PCDH11X: variants seen among roughly 807,000 people sequenced by gnomAD.
PCDH11X encodes the protein protocadherin-11 X-linked.
Under a neutral mutation model 53.3 loss-of-function variants are expected in PCDH11X, and 18 were observed. That is an observed-to-expected ratio of 0.34 (90% CI 0.23 to 0.50). PCDH11X has a LOEUF of 0.50. Among genes scored for constraint, PCDH11X ranks in the 20% least tolerant of loss-of-function variants. The pLI is 0.98. For synonymous variants in PCDH11X, 279 were observed against 393.3 expected (o/e 0.71, Z 3.44); for missense variants, 570 against 1,032.4 (o/e 0.55, Z 6.14).
At chrX:92,122,862 G>C (rs752666347) in intron 6 of PCDH11X, among the ~76,000 whole-genome samples, 1 of 110,891 alleles carries the variant, frequency 9.0e-6, no homozygotes, top group Non-Finnish European at 1.9e-5. Context: ...GCTTGAACCT[G>C]GGAGGTGGAG....
intron 10 of PCDH11X, among the ~76,000 whole-genome samples, chrX:92,473,009 GC>G (rs2073300398): frequency 9.3e-6 from 1 of 107,012 alleles, no homozygotes; most frequent in South Asian, 4.2e-4. Flanking sequence ...AGCTTCAGAA[GC>G]TTCGGGGCTG....
chrX:91,864,657 G>A (rs1275009232), intron 5 of PCDH11X, among the ~76,000 whole-genome samples: 3 of 96,389 alleles, frequency 3.1e-5, no homozygotes, highest in Non-Finnish European at 4.1e-5. Flanking sequence ...GCCCTTTTGA[G>A]GCTACTAATA....
intron 7 of PCDH11X, among the ~76,000 whole-genome samples, chrX:92,228,480 A>G (rs979819933): frequency 2.7e-5 from 3 of 111,431 alleles, no homozygotes; most frequent in African/African-American, 9.8e-5. Context: ...TTGGGGAGGC[A>G]GTAGAACATA....
chrX:92,553,561 A>C (rs2148753516), intron 10 of PCDH11X, among the ~76,000 whole-genome samples: 1 of 108,481 alleles, frequency 9.2e-6, no homozygotes, highest in Non-Finnish European at 1.9e-5. Flanking sequence ...TTTTCATTTT[A>C]ATTTTATTTA....
At chrX:91,874,061 T>C (rs764725603) in intron 5 of PCDH11X, among the ~76,000 whole-genome samples, 2 of 111,096 alleles carry the variant, frequency 1.8e-5, no homozygotes, top group Non-Finnish European at 3.8e-5. Context: ...TATTAGCCAC[T>C]CAGTATTGGA....
chrX:92,459,587 A>G, intron 9 of PCDH11X: 2 of 484,368 alleles, frequency 4.1e-6, no homozygotes, highest in Non-Finnish European at 7.3e-6. Context: ...AAATAACCAA[A>G]AACTTGAAAG....
At chrX:92,102,166 T>C (rs1306093854) in intron 6 of PCDH11X, among the ~76,000 whole-genome samples, 2 of 110,931 alleles carry the variant, frequency 1.8e-5, no homozygotes, top group Non-Finnish European at 3.8e-5. Context: ...TTGTGGGACT[T>C]AAGAAAGAGT....
rs185579817 is a variant in PCDH11X at position 92,134,492 on chromosome X, C to T, written c.3034-66883C>T. Among the ~76,000 whole-genome samples the T allele has an allele frequency of 7.6e-3, 832 of 110,190 alleles. 7 individuals are homozygous for T. Among genetic ancestry groups the T allele is most frequent in the African/African-American group, 0.026 (783 of 30,279 alleles). On this transcript the variant is annotated intron_variant, in intron 6 of 10. Transcript: ENST00000682573. ...TTTTACAAAACAAGCAAAAAAAAGA[C>T]GAGAGTATGTTTAGTTGCCAGAAAG...
intron 10 of PCDH11X, among the ~76,000 whole-genome samples, chrX:92,525,132 C>G (rs1429786388): frequency 8.9e-6 from 1 of 111,881 alleles, no homozygotes; most frequent in Non-Finnish European, 1.9e-5. Flanking sequence ...TGTATCTATG[C>G]AGTATTACAA....
At chrX:92,188,273 C>T (rs1404310136) in intron 6 of PCDH11X, among the ~76,000 whole-genome samples, 1 of 111,408 alleles carries the variant, frequency 9.0e-6, no homozygotes, top group Non-Finnish European at 1.9e-5. Context: ...TTGATTTATT[C>T]CATTAGGCTA....
At chrX:92,088,306 A>G (rs2063992913) in intron 6 of PCDH11X, among the ~76,000 whole-genome samples, 1 of 111,450 alleles carries the variant, frequency 9.0e-6, no homozygotes, top group Non-Finnish European at 1.9e-5. Flanking sequence ...TTGTTAACAA[A>G]TAAAAATAAA....
At chrX:92,503,141 A>T (rs1281013888) in intron 10 of PCDH11X, among the ~76,000 whole-genome samples, 2 of 110,092 alleles carry the variant, frequency 1.8e-5, no homozygotes, top group Non-Finnish European at 3.8e-5. Flanking sequence ...AACATTACTG[A>T]TCATTAGAGA....
chrX:92,158,782 C>T (rs1313425901), intron 6 of PCDH11X, among the ~76,000 whole-genome samples: 5 of 110,121 alleles, frequency 4.5e-5, no homozygotes, highest in East Asian at 5.8e-4. Flanking sequence ...GTTACAGGCA[C>T]GCGCTGCCAT....
rs904516876 is a variant in PCDH11X at position 91,855,217 on chromosome X, G to A, written c.540+19173G>A. ...GTTTAATTTCATTCATCTGCATGTGGATATCAGGTTTTTCCAGCACCATTT... is the reference window on the plus strand; with the variant it reads ...GTTTAATTTCATTCATCTGCATGTGAATATCAGGTTTTTCCAGCACCATTT... On this transcript the variant is annotated intron_variant, in intron 5 of 10. Coordinates refer to ENST00000682573, the MANE Select transcript of PCDH11X (RefSeq NM_032968.5). Among the ~76,000 whole-genome samples, 4 of 111,605 alleles carry A rather than the reference G, an allele frequency of 3.6e-5. No individual in the cohort carries two copies. The South Asian group carries it at 1.1e-3, about 31-fold the overall frequency.
At chrX:92,328,598 T>C (rs924015584) in intron 8 of PCDH11X, among the ~76,000 whole-genome samples, 1 of 110,219 alleles carries the variant, frequency 9.1e-6, no homozygotes, top group African/African-American at 3.3e-5. Context: ...TAATAGTATT[T>C]GGATTAAGAG....
rs181872280 is a variant in PCDH11X at position 92,304,654 on chromosome X, G to A, written c.3144+41511G>A. ...CTCTTATTCTTCAGAGGATGAAAATGAGATTCAGGGACATTAAGTAATATT... is the reference window on the plus strand; with the variant it reads ...CTCTTATTCTTCAGAGGATGAAAATAAGATTCAGGGACATTAAGTAATATT... On this transcript the variant is annotated intron_variant, in intron 8 of 10. Coordinates refer to ENST00000682573, the MANE Select transcript of PCDH11X (RefSeq NM_032968.5). 3.0e-4 allele frequency among the ~76,000 whole-genome samples: 33 copies of A among 111,718 alleles called. No individual in the cohort carries two copies. The East Asian group carries it at 8.8e-3, about 30-fold the overall frequency.
At chrX:91,871,506 T>A (rs1231993439) in intron 5 of PCDH11X, among the ~76,000 whole-genome samples, 1 of 105,529 alleles carries the variant, frequency 9.5e-6, no homozygotes, top group African/African-American at 3.5e-5. Context: ...ATGCATTTTC[T>A]GGGCAACTGT....
intron 6 of PCDH11X, among the ~76,000 whole-genome samples, chrX:91,969,132 T>C (rs2061909363): frequency 9.1e-6 from 1 of 110,319 alleles, no homozygotes; most frequent in Non-Finnish European, 1.9e-5. Context: ...AGTATGAGGG[T>C]ATAATACCAG....
At chrX:92,275,874 T>A (rs1446025916) in intron 8 of PCDH11X, among the ~76,000 whole-genome samples, 1 of 109,993 alleles carries the variant, frequency 9.1e-6, no homozygotes, top group Non-Finnish European at 1.9e-5. Context: ...GCATGATCAG[T>A]CCCGAAGGAA....
Sources: allele counts gnomAD v4.1 joint callset (sites outside exome capture counted in the v4.1 genomes callset), GRCh38; gene constraint gnomAD v4.1.1; transcripts MANE v1.5; gene names NCBI Gene and HGNC (gene_info 2026-07-23, HGNC 2026-07-21).